BTAF1: variants seen among roughly 807,000 people sequenced by gnomAD.
BTAF1 encodes B-TFIID TATA-box binding protein associated factor 1.
BTAF1 carries 38 observed loss-of-function variants against 227.1 expected under a neutral mutation model. That is an observed-to-expected ratio of 0.17 (90% CI 0.13 to 0.22). The LOEUF is 0.22. Ranked by LOEUF, BTAF1 falls within the 10% of genes least tolerant of loss-of-function variation. The pLI is 1.00. For missense variants in BTAF1, 1,598 were observed against 2,204.0 expected (o/e 0.73, Z 5.51); for synonymous variants, 742 against 751.9 (o/e 0.99, Z 0.21).
intron 2 of BTAF1, among the ~76,000 whole-genome samples, chr10:91,938,099 T>C (rs991883345): frequency 1.1e-4 from 17 of 152,250 alleles, no homozygotes; most frequent in African/African-American, 4.1e-4. Flanking sequence ...GTATATCTTC[T>C]TTGGAGAAAT....
At chr10:91,989,107 T>C in intron 19 of BTAF1, 47 bp from the exon 20 acceptor site, 1 of 1,484,732 alleles carries the variant, frequency 6.7e-7, no homozygotes, top group Non-Finnish European at 9.0e-7. Context: ...ACAGTCTATT[T>C]GGGGTTGATA....
rs149440677 is a variant in BTAF1 at position 92,008,134 on chromosome 10, A to G, written c.3672A>G (p.Pro1224=). Residue 1224 remains proline, a synonymous_variant, in exon 26 of 38, where the codon CCA becomes CCG. Transcript: ENST00000265990. ...AAAAATCATTTTAGGCAGGCATTCC[A>G]GACCCTCCAAACATGTCAGCAGAAT... is the stretch of plus-strand genomic sequence containing the variant. ...IRLMPLEAGI[P]DPPNMSAELI... is the part of the protein sequence containing the mutation. The G allele has an allele frequency of 2.8e-3, 4,495 of 1,582,910 alleles. 129 individuals are homozygous for G. In the African/African-American group the frequency reaches 0.055, roughly 20 times the overall value.
intron 28 of BTAF1, among the ~76,000 whole-genome samples, chr10:92,009,823 G>A (rs1051488412): frequency 6.6e-6 from 1 of 152,006 alleles, no homozygotes; most frequent in Non-Finnish European, 1.5e-5. Flanking sequence ...CTATTAACTA[G>A]TACATCTCTT....
intron 25 of BTAF1, among the ~76,000 whole-genome samples, chr10:92,001,969 CAT>C (rs10561233): frequency 0.23 from 25,694 of 109,492 alleles, 3,332 homozygotes; most frequent in African/African-American, 0.29. Context: ...AAAAAAAAAC[CAT>C]ATATATATAT....
chr10:91,938,991 G>GAAA (rs1564657723), intron 2 of BTAF1, among the ~76,000 whole-genome samples: 2 of 72,898 alleles, frequency 2.7e-5, no homozygotes, highest in South Asian at 8.9e-4. Context: ...AAAAAAAAAG[G>GAAA]GGGGGGGGAT....
In BTAF1 at chr10:92,030,265, A is replaced by G. The variant is rs1851812832; in HGVS notation, c.*1332A>G. 1 of 152,580 alleles carries G rather than the reference A, an allele frequency of 6.6e-6. No homozygotes were observed. Among genetic ancestry groups the G allele is most frequent in the Admixed American group, 6.5e-5 (1 of 15,280 alleles). The allele number at this position is 152,580 out of a possible 1,614,324, so 9.5% of individuals were successfully genotyped here. ...TCACATTTCATTAGCTTTGACAACC[A>G]TACTGTAACATTAAACCTAGCATTC... On this transcript the variant is annotated 3_prime_UTR_variant, in exon 38 of 38. Transcript: ENST00000265990.
rs1039288563 is a variant in BTAF1 at position 92,029,941 on chromosome 10, A to G, written c.*1008A>G. On this transcript the variant is annotated 3_prime_UTR_variant, in exon 38 of 38. Coordinates refer to ENST00000265990, the MANE Select transcript of BTAF1 (RefSeq NM_003972.3). Reference sequence around the variant, plus strand: ...AATCATGTAGTTATACTGGGCAGCAATAATAATTGGGCATGAGGCTGATTA... The same window carrying G: ...AATCATGTAGTTATACTGGGCAGCAGTAATAATTGGGCATGAGGCTGATTA... 1 of 152,582 alleles carries G rather than the reference A, an allele frequency of 6.6e-6. No individual in the cohort carries two copies. The highest frequency in any genetic ancestry group is 2.4e-5 in the African/African-American group (1 of 41,464). 9.5% of individuals were successfully genotyped at this position (152,582 alleles called of 1,614,324 possible).
chr10:91,930,757 G>C (rs1844220528), intron 1 of BTAF1, among the ~76,000 whole-genome samples: 1 of 152,092 alleles, frequency 6.6e-6, no homozygotes, highest in Non-Finnish European at 1.5e-5. Context: ...TACTTCCTGA[G>C]TAACACAGAA....
chr10:91,956,895 T>C (rs1249698490), intron 7 of BTAF1, among the ~76,000 whole-genome samples: 1 of 151,892 alleles, frequency 6.6e-6, no homozygotes, highest in Non-Finnish European at 1.5e-5. Flanking sequence ...GAGGCTGAGG[T>C]AGGAGAATCG....
At chr10:92,010,949 A>G (rs1589960727) in intron 28 of BTAF1, 124 bp from the exon 29 acceptor site, 1 of 735,016 alleles carries the variant, frequency 1.4e-6, no homozygotes, top group Non-Finnish European at 2.4e-6. Context: ...AGGGTCATGT[A>G]TGTAGAGTAA....
Position 92,009,081 on chromosome 10 carries a change from C to T in BTAF1, c.3976C>T (p.Pro1326Ser). The T allele has an allele frequency of 6.2e-7, 1 of 1,614,068 alleles. No individual in the cohort carries two copies. The highest frequency in any genetic ancestry group is 8.5e-7 in the Non-Finnish European group (1 of 1,179,988). The change falls in exon 28 of 38, where the codon CCA (proline) becomes TCA (serine). Residue 1326 changes from proline to serine, a missense_variant. Coordinates refer to ENST00000265990, the MANE Select transcript of BTAF1 (RefSeq NM_003972.3). ...AAGATCAAAATTAGCAGAATGTATG[C>T]CACTTCCTTCCTTAGTGGTTTGTCC... ...YARSKLAECM[P>S]LPSLVVCPPT...
At chr10:91,959,513 T>C (rs893973606) in intron 9 of BTAF1, among the ~76,000 whole-genome samples, 2 of 151,954 alleles carry the variant, frequency 1.3e-5, no homozygotes, top group Non-Finnish European at 2.9e-5. Flanking sequence ...TGTGATATAG[T>C]ATATCTGAAT....
intron 15 of BTAF1, among the ~76,000 whole-genome samples, chr10:91,980,830 G>C (rs1016864555): frequency 2.6e-5 from 4 of 152,140 alleles, no homozygotes; most frequent in African/African-American, 7.2e-5. Context: ...ATGAGGAAAA[G>C]ATTGCTTTTC....
intron 11 of BTAF1, 41 bp from the exon 12 acceptor site, chr10:91,962,497 T>C (rs1846596390): frequency 2.2e-6 from 3 of 1,394,494 alleles, no homozygotes; most frequent in African/African-American, 1.5e-5. Context: ...ACAGTAACTG[T>C]AGAATAGAAA....
chr10:91,992,906 A>G (rs1041168067), intron 21 of BTAF1, among the ~76,000 whole-genome samples: 1 of 152,222 alleles, frequency 6.6e-6, no homozygotes, highest in Non-Finnish European at 1.5e-5. Flanking sequence ...AAAATCTGAC[A>G]GTCACATTAT....
intron 12 of BTAF1, among the ~76,000 whole-genome samples, chr10:91,963,048 TTATTAATTATTAATTAG>T (rs1415333848): frequency 2.0e-5 from 3 of 151,890 alleles, no homozygotes; most frequent in Non-Finnish European, 4.4e-5. Flanking sequence ...CCTCCTCTCA[TTATTAATTATTAATTAG>T]TATTAATTAT....
intron 20 of BTAF1, 139 bp downstream of exon 20, chr10:91,989,719 C>A: frequency 1.2e-6 from 1 of 862,378 alleles, no homozygotes; most frequent in Non-Finnish European, 1.8e-6. Context: ...TTGATTATAA[C>A]AAAACTCTTT....
intron 1 of BTAF1, among the ~76,000 whole-genome samples, chr10:91,928,707 A>C (rs563725890): frequency 1.3e-5 from 2 of 149,940 alleles, no homozygotes; most frequent in East Asian, 3.9e-4. Flanking sequence ...GGTAAAAGCA[A>C]CCTTTGCGAT....
rs1554851556 is a variant in BTAF1, at chr10:91,950,148, T to TGTTGGG, written c.401-1254_401-1253insTTGGGG. On this transcript the variant is annotated intron_variant, in intron 4 of 37. Transcript: ENST00000265990. ...TCAGAGTGAGAGACCTTGTCCTTTG[T>TGTTGGG]GGGGGGGGGCGGGAAAGAAGACTAG... 7.0e-3 allele frequency among the ~76,000 whole-genome samples: 171 copies of TGTTGGG among 24,394 alleles called. 10 individuals carry two copies. Among genetic ancestry groups the TGTTGGG allele is most frequent in the East Asian group, 0.021 (21 of 1,006 alleles). The allele number at this position is 24,394 out of a possible 152,430, so 16.0% of individuals were successfully genotyped here.
Sources: gnomAD v4.1 joint callset for allele counts (sites outside exome capture counted in the v4.1 genomes callset) on GRCh38, gnomAD v4.1.1 for gene constraint, MANE v1.5 for transcripts, NCBI Gene and HGNC (gene_info 2026-07-23, HGNC 2026-07-21) for gene names.